The following ZNF804B variants were observed in gnomAD, a reference collection of about 807,000 sequenced individuals.
ZNF804B encodes the protein zinc finger 804B.
A neutral mutation model predicts 101.4 loss-of-function variants in ZNF804B; 80 were observed. The observed-to-expected ratio is 0.79, with a 90% CI of 0.66 to 0.95. The LOEUF is 0.95. Ranked by LOEUF, ZNF804B falls within the 40% of genes least tolerant of loss-of-function variation. ZNF804B has a pLI of 0.00. For synonymous variants in ZNF804B, 622 were observed against 558.8 expected (o/e 1.11, Z -1.59); for missense variants, 1,673 against 1,561.9 (o/e 1.07, Z -1.20).
intron 1 of ZNF804B, among the ~76,000 whole-genome samples, chr7:89,144,089 A>G (rs1198974151): frequency 6.6e-6 from 1 of 152,014 alleles, no homozygotes; most frequent in Non-Finnish European, 1.5e-5. Flanking sequence ...CTTATAATAC[A>G]GTATTTATGA....
chr7:89,322,653 A>G (rs997751330), intron 2 of ZNF804B, among the ~76,000 whole-genome samples: 8 of 152,140 alleles, frequency 5.3e-5, no homozygotes, highest in Admixed American at 2.6e-4. Flanking sequence ...ATGTTTTGAC[A>G]ATTAAAAAGC....
intron 1 of ZNF804B, among the ~76,000 whole-genome samples, chr7:88,863,111 C>T (rs1325765843): frequency 8.5e-5 from 13 of 152,184 alleles, no homozygotes; most frequent in Non-Finnish European, 1.8e-4. Context: ...TCTCCGTGCT[C>T]ACTATGCTAC....
intron 1 of ZNF804B, among the ~76,000 whole-genome samples, chr7:88,815,758 C>T (rs1583954333): frequency 2.6e-5 from 4 of 152,160 alleles, no homozygotes; most frequent in Admixed American, 2.6e-4. Context: ...ATATGTGTAC[C>T]TCCCTGCTCT....
intron 1 of ZNF804B, among the ~76,000 whole-genome samples, chr7:88,845,108 AGGCAAGGGGT>A (rs1791349094): frequency 1.3e-5 from 2 of 152,194 alleles, no homozygotes; most frequent in African/African-American, 4.8e-5. Flanking sequence ...TGCTTTAATA[AGGCAAGGGGT>A]GGTTCAATGG....
intron 2 of ZNF804B, among the ~76,000 whole-genome samples, chr7:89,268,388 C>A (rs999672847): frequency 5.9e-5 from 9 of 152,074 alleles, no homozygotes; most frequent in Non-Finnish European, 1.3e-4. Flanking sequence ...TGTGTACATT[C>A]AGCATCCCAA....
intron 1 of ZNF804B, among the ~76,000 whole-genome samples, chr7:89,007,835 A>G (rs897585941): frequency 6.6e-6 from 1 of 151,544 alleles, no homozygotes; most frequent in African/African-American, 2.4e-5. Context: ...CAAAGGAAAC[A>G]TTTAAAGAAC....
In ZNF804B at chr7:89,053,949, TATTTGTC is replaced by T. The variant is rs376168873; in HGVS notation, c.109-164204_109-164198del. ...ACAGGTTTTGTCTATGTTGAAGTGT[TATTTGTC>T]ACTCACTATTCAATTACAGTACTCA... is the stretch of plus-strand genomic sequence containing the variant. On this transcript the variant is annotated intron_variant, in intron 1 of 3. Transcript: ENST00000333190. Among the ~76,000 whole-genome samples the T allele has an allele frequency of 2.1e-3, 321 of 152,202 alleles. 1 individual carries two copies. Among genetic ancestry groups the T allele is most frequent in the African/African-American group, 7.3e-3 (304 of 41,566 alleles).
Position 89,333,568 on chromosome 7 carries a change from C to G in ZNF804B, c.586C>G (p.Arg196Gly). 1 of 1,613,480 alleles carries G rather than the reference C, an allele frequency of 6.2e-7. No homozygotes were observed. The highest frequency in any genetic ancestry group is 8.5e-7 in the Non-Finnish European group (1 of 1,179,620). Residue 196 changes from arginine (R) to glycine (G), a missense_variant, in exon 4 of 4, where the codon CGT becomes GGT. Arg to Gly is a moderately radical substitution (Grantham distance 125). Transcript: ENST00000333190. ...PNRHQLQSDRRCLFGNQVLQT... is the reference protein window; with the variant it reads ...PNRHQLQSDRGCLFGNQVLQT... ...TCGACACCAATTACAATCAGACAGG[C>G]GTTGTTTGTTTGGAAATCAGGTACT...
intron 1 of ZNF804B, among the ~76,000 whole-genome samples, chr7:89,091,484 C>T (rs1040947157): frequency 3.3e-5 from 5 of 151,414 alleles, no homozygotes; most frequent in African/African-American, 2.4e-5. Flanking sequence ...CAAGTTTTCT[C>T]GGTAAAAGTC....
chr7:89,238,510 T>C (rs1204707543), intron 2 of ZNF804B, among the ~76,000 whole-genome samples: 1 of 152,178 alleles, frequency 6.6e-6, no homozygotes, highest in African/African-American at 2.4e-5. Context: ...CAAATTTGTT[T>C]TGTGAAATTT....
chr7:88,927,059 G>GTGT (rs1165390576), intron 1 of ZNF804B, among the ~76,000 whole-genome samples: 6 of 152,050 alleles, frequency 3.9e-5, no homozygotes, highest in Non-Finnish European at 7.4e-5. Context: ...GCCCTTCATG[G>GTGT]TGTTGTTGGA....
intron 2 of ZNF804B, among the ~76,000 whole-genome samples, chr7:89,219,901 G>GTGTGTGCATATATGTATATACATATA (rs1788958024): frequency 5.0e-5 from 1 of 20,190 alleles, no homozygotes; most frequent in Non-Finnish European, 1.1e-4. Context: ...ATGTATATAT[G>GTGTGTGCATATATGTATATACATATA]TGTGTGCATA....
chr7:88,760,626 T>C (rs193118396), intron 1 of ZNF804B, among the ~76,000 whole-genome samples: 15 of 152,240 alleles, frequency 9.9e-5, no homozygotes, highest in Admixed American at 9.8e-4. Flanking sequence ...GAGAATTCTT[T>C]ATGGAAATCT....
chr7:89,119,517 TC>T (rs1790366336), intron 1 of ZNF804B, among the ~76,000 whole-genome samples: 1 of 152,204 alleles, frequency 6.6e-6, no homozygotes, highest in Non-Finnish European at 1.5e-5. Context: ...TCTCCGTTCT[TC>T]CTCATAGTCA....
chr7:89,149,431 C>A lies in ZNF804B; in HGVS notation c.109-68724C>A, dbSNP rs551779351. On this transcript the variant is annotated intron_variant, in intron 1 of 3. Coordinates refer to ENST00000333190, the MANE Select transcript of ZNF804B (RefSeq NM_181646.5). ...ATTATAGTTACCCTATGTTTGCCAG[C>A]CTTATAGTGTATATAAAATTGGTTA... 3.9e-5 allele frequency among the ~76,000 whole-genome samples: 6 copies of A among 152,000 alleles called. No individual in the cohort carries two copies. In the South Asian group the frequency reaches 6.2e-4, roughly 16 times the overall value.
At chr7:88,941,725 A>G (rs73397365) in intron 1 of ZNF804B, among the ~76,000 whole-genome samples, 14,893 of 151,914 alleles carry the variant, frequency 0.098, 976 homozygotes, top group East Asian at 0.2. Flanking sequence ...CAAAATATAC[A>G]ATACCAGGAA....
At chr7:88,977,093 C>T (rs1226117009) in intron 1 of ZNF804B, among the ~76,000 whole-genome samples, 1 of 151,542 alleles carries the variant, frequency 6.6e-6, no homozygotes, top group East Asian at 1.9e-4. Flanking sequence ...TCACTTGGTC[C>T]TGATGAAGGA....
chr7:89,335,508 A>G lies in ZNF804B; in HGVS notation c.2526A>G (p.Lys842=), dbSNP rs530349621. The G allele has an allele frequency of 1.2e-6, 2 of 1,613,816 alleles. No homozygotes were observed. Among genetic ancestry groups the G allele is most frequent in the African/African-American group, 2.7e-5 (2 of 74,876 alleles). The change falls in exon 4 of 4, where the codon AAA becomes AAG. Residue 842 remains lysine, a synonymous_variant. Coordinates refer to ENST00000333190, the MANE Select transcript of ZNF804B (RefSeq NM_181646.5). ...SQISCTGSSK[K]PPNCQGTQHD... is the part of the protein sequence containing the mutation. ...TTTCCTGTACTGGAAGCAGTAAAAA[A>G]CCACCTAATTGCCAGGGAACTCAGC...
chr7:89,239,723 T>A (rs1436701842), intron 2 of ZNF804B, among the ~76,000 whole-genome samples: 2 of 151,914 alleles, frequency 1.3e-5, no homozygotes, highest in African/African-American at 4.8e-5. Context: ...ATACATTGAG[T>A]GGGGAATAGA....
Sources: allele counts gnomAD v4.1 joint callset (sites outside exome capture counted in the v4.1 genomes callset), GRCh38; gene constraint gnomAD v4.1.1; transcripts MANE v1.5; gene names NCBI Gene and HGNC (gene_info 2026-07-23, HGNC 2026-07-21).